The following TAFA5 variants were observed in gnomAD, a reference collection of about 807,000 sequenced individuals.
TAFA5 encodes the protein TAFA chemokine like family member 5.
In TAFA5, 6 loss-of-function variants were observed where a neutral mutation model predicts 15.3. That is an observed-to-expected ratio of 0.39 (90% CI 0.21 to 0.77). The LOEUF (loss-of-function observed/expected upper bound fraction) is 0.77. Among genes scored for constraint, TAFA5 ranks in the 30% least tolerant of loss-of-function variants. TAFA5 has a pLI of 0.41. For missense variants in TAFA5, 161 were observed against 193.1 expected (o/e 0.83, Z 0.98); for synonymous variants, 103 against 80.7 (o/e 1.28, Z -1.48).
intron 1 of TAFA5, among the ~76,000 whole-genome samples, chr22:48,584,283 AC>A (rs1569035559): frequency 1.2e-4 from 7 of 59,166 alleles, no homozygotes; most frequent in East Asian, 4.8e-4. Context: ...ACACACACAC[AC>A]CACACACAGC....
chr22:48,749,574 G>A (rs1034203375), intron 3 of TAFA5, among the ~76,000 whole-genome samples: 7 of 152,200 alleles, frequency 4.6e-5, no homozygotes, highest in African/African-American at 1.7e-4. Context: ...CAAGTGGGGT[G>A]GGAAGGCCTC....
At chr22:48,674,481 A>T (rs1927904887) in intron 2 of TAFA5, among the ~76,000 whole-genome samples, 1 of 150,734 alleles carries the variant, frequency 6.6e-6, no homozygotes, top group Non-Finnish European at 1.5e-5. Flanking sequence ...GTCCCTCCTC[A>T]GCCTTCGAGT....
chr22:48,690,326 A>G (rs748353141), intron 2 of TAFA5, among the ~76,000 whole-genome samples: 1 of 151,980 alleles, frequency 6.6e-6, no homozygotes, highest in Non-Finnish European at 1.5e-5. Flanking sequence ...CATTCCAGAA[A>G]GTGGGTCTGG....
rs140651068 is a variant in TAFA5 at position 48,643,128 on chromosome 22, G to A, written c.113-3469G>A. Among the ~76,000 whole-genome samples, 356 of 152,278 alleles carry A rather than the reference G, an allele frequency of 2.3e-3. 7 individuals carry two copies. The East Asian group carries it at 0.052, about 22-fold the overall frequency. On this transcript the variant is annotated intron_variant, in intron 1 of 3. Transcript: ENST00000402357. ...ACCTGCTGGGGCTGAGCTGGGGGTC[G>A]CGACAGCCCAGAAAGACTGAGAGGC...
intron 3 of TAFA5, among the ~76,000 whole-genome samples, chr22:48,723,756 A>G (rs1569094823): frequency 1.3e-5 from 2 of 152,248 alleles, no homozygotes; most frequent in African/African-American, 4.8e-5. Context: ...CTTCAGGTTC[A>G]TGGGATGATA....
chr22:48,738,196 A>G (rs1443572536), intron 3 of TAFA5, among the ~76,000 whole-genome samples: 2 of 152,198 alleles, frequency 1.3e-5, no homozygotes, highest in Non-Finnish European at 2.9e-5. Flanking sequence ...CGGGGAGCCC[A>G]GCATGGGGAG....
In TAFA5 at chr22:48,744,452, C is replaced by G. The variant is rs146600211; in HGVS notation, c.391-5387C>G. On this transcript the variant is annotated intron_variant, in intron 3 of 3. Transcript: ENST00000402357. Reference sequence around the variant, plus strand: ...AGGGAAGGCCTGGAGGCATCGATACCTGGTGGCCCTCCCCAGGCCATGACC... The same window carrying G: ...AGGGAAGGCCTGGAGGCATCGATACGTGGTGGCCCTCCCCAGGCCATGACC... Among the ~76,000 whole-genome samples the G allele has an allele frequency of 3.8e-3, 572 of 152,284 alleles. 4 individuals are homozygous for G. Among genetic ancestry groups the G allele is most frequent in the African/African-American group, 0.013 (552 of 41,572 alleles).
intron 2 of TAFA5, among the ~76,000 whole-genome samples, chr22:48,702,476 G>A (rs556793006): frequency 2.0e-4 from 30 of 152,194 alleles, no homozygotes; most frequent in Admixed American, 1.8e-3. Flanking sequence ...CTCCAGCCAC[G>A]TCCTAAGCAC....
intron 1 of TAFA5, among the ~76,000 whole-genome samples, chr22:48,585,635 TCA>T (rs765862246): frequency 6.9e-6 from 1 of 145,574 alleles, no homozygotes; most frequent in Non-Finnish European, 1.5e-5. Context: ...ACACTAGACA[TCA>T]CACACACACT....
At chr22:48,631,823 A>G (rs2147189857) in intron 1 of TAFA5, among the ~76,000 whole-genome samples, 1 of 152,248 alleles carries the variant, frequency 6.6e-6, no homozygotes, top group African/African-American at 2.4e-5. Flanking sequence ...GAAGGACAGC[A>G]GGGGGCCTAG....
intron 3 of TAFA5, among the ~76,000 whole-genome samples, chr22:48,723,190 C>T (rs193185043): frequency 6.6e-6 from 1 of 152,352 alleles, no homozygotes; most frequent in African/African-American, 2.4e-5. Context: ...TAGCAGCACA[C>T]AGGATACCGG....
chr22:48,683,335 GGGGCC>G lies in TAFA5; in HGVS notation c.263-24379_263-24375del, dbSNP rs1475003189. On this transcript the variant is annotated intron_variant, in intron 2 of 3. Transcript: ENST00000402357. ...CTTAACGCCATAAGCTAATTAGCTG[GGGGCC>G]GGTGGTGAGAGAGCGCCAGGTACGG... Among the ~76,000 whole-genome samples, 4 of 152,260 alleles carry G rather than the reference GGGGCC, an allele frequency of 2.6e-5. No individual in the cohort carries two copies. The East Asian group carries it at 7.7e-4, about 29-fold the overall frequency.
intron 2 of TAFA5, 76 bp from the exon 3 acceptor site, chr22:48,707,641 G>A: frequency 7.1e-6 from 11 of 1,542,748 alleles, no homozygotes; most frequent in Non-Finnish European, 9.7e-6. Flanking sequence ...CCAGTGCCAG[G>A]ACCCAGGTGC....
chr22:48,558,172 C>A (rs1029339071), intron 1 of TAFA5, among the ~76,000 whole-genome samples: 4 of 152,168 alleles, frequency 2.6e-5, no homozygotes, highest in African/African-American at 9.7e-5. Context: ...GTGCCACCGT[C>A]GCAACATCCC....
intron 1 of TAFA5, chr22:48,576,624 G>T: frequency 7.6e-7 from 1 of 1,315,596 alleles, no homozygotes; most frequent in Non-Finnish European, 9.8e-7. Context: ...CCGGCTCGCG[G>T]CGGCTCCGGC....
intron 1 of TAFA5, among the ~76,000 whole-genome samples, chr22:48,556,719 G>T (rs1923052701): frequency 6.6e-6 from 1 of 152,182 alleles, no homozygotes; most frequent in Non-Finnish European, 1.5e-5. Context: ...AGGGAGTGAG[G>T]CAGACAGGGA....
chr22:48,654,560 G>A (rs8136847), intron 2 of TAFA5, among the ~76,000 whole-genome samples: 75,389 of 152,122 alleles, frequency 0.5, 19,484 homozygotes, highest in Non-Finnish European at 0.57. Flanking sequence ...AGGCTGTGCT[G>A]CCCAGGCACG....
rs1433901601 is a variant in TAFA5, at chr22:48,742,212, TCA to T, written c.391-7625_391-7624del. ...CCCCACCCCACAGGCCCCTCATCCT[TCA>T]CCAGGCACAGCCCTGCCCCACCCCA... On this transcript the variant is annotated intron_variant, in intron 3 of 3. Transcript: ENST00000402357. The surrounding 1 kb of genome is among the most constrained non-coding windows in gnomAD (Gnocchi z 6.2). 6.6e-6 allele frequency among the ~76,000 whole-genome samples: 1 copy of T among 150,676 alleles called. No individual in the cohort carries two copies. The highest frequency in any genetic ancestry group is 2.0e-4 in the East Asian group (1 of 5,096).
intron 1 of TAFA5, among the ~76,000 whole-genome samples, chr22:48,521,938 A>C (rs1223676853): frequency 6.6e-6 from 1 of 152,062 alleles, no homozygotes; most frequent in Admixed American, 6.5e-5. Context: ...AAACTCGGGG[A>C]GGGGCTTAGA....
Sources: allele counts gnomAD v4.1 joint callset (sites outside exome capture counted in the v4.1 genomes callset), GRCh38; gene constraint gnomAD v4.1.1; non-coding constraint Gnocchi (gnomAD v3.1); transcripts MANE v1.5; gene names NCBI Gene and HGNC (gene_info 2026-07-23, HGNC 2026-07-21).